Variants in BTBD16 observed in about 807,000 individuals in gnomAD.
BTBD16 encodes BTB domain containing 16.
BTBD16 carries 66 observed loss-of-function variants against 67.4 expected under a neutral mutation model. The ratio of observed to expected loss-of-function variants is 0.98; its 90% CI spans 0.80 to 1.20. The LOEUF is 1.20. Ranked by LOEUF, BTBD16 falls within the 50% of genes most tolerant of loss-of-function variation. BTBD16 has a pLI of 0.00. For missense variants in BTBD16, 634 were observed against 616.0 expected, an observed-to-expected ratio of 1.03 and a Z score of -0.31; for synonymous variants, 242 against 236.4, an observed-to-expected ratio of 1.02 and a Z score of -0.22.
At chr10:122,320,414 TA>T (rs1180224765) in intron 10 of BTBD16, among the ~76,000 whole-genome samples, 3 of 152,166 alleles carry the variant, frequency 2.0e-5, no homozygotes, top group Non-Finnish European at 4.4e-5. Context: ...ATAGATGTTT[TA>T]TTTTATCAAA....
chr10:122,319,130 C>T (rs1565011098), intron 10 of BTBD16, among the ~76,000 whole-genome samples: 1 of 152,104 alleles, frequency 6.6e-6, no homozygotes, highest in Non-Finnish European at 1.5e-5. Flanking sequence ...GATACAAGTC[C>T]TTTGTCAGAT....
At chr10:122,283,484 A>G (rs1188883716) in intron 3 of BTBD16, among the ~76,000 whole-genome samples, 3 of 152,220 alleles carry the variant, frequency 2.0e-5, no homozygotes, top group Admixed American at 6.5e-5. Context: ...TTCACATCCC[A>G]GAAATGAGCA....
At chr10:122,292,421 T>C (rs1254155298) in intron 7 of BTBD16, among the ~76,000 whole-genome samples, 1 of 152,242 alleles carries the variant, frequency 6.6e-6, no homozygotes, top group Non-Finnish European at 1.5e-5. Context: ...GGGAAGTAAG[T>C]AACTTGGCCA....
At chr10:122,286,979 C>T (rs983398692) in intron 5 of BTBD16, among the ~76,000 whole-genome samples, 6 of 152,176 alleles carry the variant, frequency 3.9e-5, no homozygotes, top group East Asian at 1.9e-4. Flanking sequence ...CCAGTCATGA[C>T]GGACTTTCTA....
chr10:122,291,190 C>T lies in BTBD16; in HGVS notation c.586C>T (p.Gln196Ter). Reference sequence around the variant, plus strand: ...CATCCTCCAGTTCAGTGGCCTGTTTCAAAGGTAAGGAAACAAGGCTGACTT... The same window carrying T: ...CATCCTCCAGTTCAGTGGCCTGTTTTAAAGGTAAGGAAACAAGGCTGACTT... ...AHILQFSGLF[Q>*]RCVDVMIARL... The change falls in exon 7 of 16, where the codon CAA becomes TAA. Residue 196 changes from glutamine (Q) to a stop codon, truncating the protein, a stop_gained. Coordinates refer to ENST00000260723, the MANE Select transcript of BTBD16 (RefSeq NM_144587.5). LOFTEE classifies it high-confidence loss of function. 1 of 1,610,244 alleles carries T rather than the reference C, an allele frequency of 6.2e-7. No individual in the cohort carries two copies. Among genetic ancestry groups the T allele is most frequent in the South Asian group, 1.1e-5 (1 of 90,218 alleles).
At chr10:122,320,093 C>A (rs1443444941) in intron 10 of BTBD16, among the ~76,000 whole-genome samples, 1 of 152,098 alleles carries the variant, frequency 6.6e-6, no homozygotes, top group East Asian at 1.9e-4. Flanking sequence ...CTTCTAGAAA[C>A]TTTTTTATAG....
chr10:122,283,353 T>G (rs1292022634), intron 3 of BTBD16, among the ~76,000 whole-genome samples: 1 of 152,242 alleles, frequency 6.6e-6, no homozygotes, highest in Non-Finnish European at 1.5e-5. Context: ...AGGCTGGTGG[T>G]GCCATTTCCT....
chr10:122,285,841 C>T (rs2096362591), intron 4 of BTBD16, among the ~76,000 whole-genome samples: 1 of 152,184 alleles, frequency 6.6e-6, no homozygotes, highest in South Asian at 2.1e-4. Flanking sequence ...CTCTGAAGTC[C>T]TACAGCTGTT....
At chr10:122,291,279 C>T in intron 7 of BTBD16, 85 bp downstream of exon 7, 77 of 1,511,530 alleles carry the variant, frequency 5.1e-5, no homozygotes, top group Non-Finnish European at 6.8e-5. Flanking sequence ...TGGAACATTC[C>T]TCTTCATTGG....
Position 122,289,795 on chromosome 10 carries a change from T to C in BTBD16, c.386-114T>C, listed in dbSNP as rs1223754784. ...TTACATCTATGAAACAAATAAAATATAGTGTGATACATATCTTGATACCTC... is the reference window on the plus strand; with the variant it reads ...TTACATCTATGAAACAAATAAAATACAGTGTGATACATATCTTGATACCTC... On this transcript the variant is annotated intron_variant, in intron 5 of 15. Transcript: ENST00000260723. The C allele has an allele frequency of 2.3e-5, 14 of 612,370 alleles. No individual in the cohort carries two copies. In the Admixed American group the frequency reaches 3.8e-4, roughly 17 times the overall value. The allele number at this position is 612,370 out of a possible 1,614,324, so 37.9% of individuals were successfully genotyped here. A position where few individuals can be genotyped will look rare whatever the true frequency, so the allele number is the denominator to read the frequency against.
chr10:122,336,044 C>A (rs2096462779), intron 14 of BTBD16, among the ~76,000 whole-genome samples: 1 of 152,024 alleles, frequency 6.6e-6, no homozygotes, highest in Non-Finnish European at 1.5e-5. Context: ...GTTTTAGTCC[C>A]AGATTTTCCA....
intron 10 of BTBD16, among the ~76,000 whole-genome samples, chr10:122,310,704 G>A (rs2096412272): frequency 6.6e-6 from 1 of 152,196 alleles, no homozygotes; most frequent in African/African-American, 2.4e-5. Flanking sequence ...TTTAAAAATT[G>A]CAAATATTGA....
In BTBD16 at chr10:122,329,572, G is replaced by A. The variant is rs376871877; in HGVS notation, c.1003+1G>A. ...TTGCGTCTGCACGGCATCACCAAAG[G>A]TAAGCCCCAGTCCAGGCGAGCGCAT... is the stretch of plus-strand genomic sequence containing the variant. On this transcript the variant is annotated splice_donor_variant, in intron 11 of 15. Coordinates refer to ENST00000260723, the MANE Select transcript of BTBD16 (RefSeq NM_144587.5). LOFTEE classifies it high-confidence loss of function. 2.4e-5 allele frequency: 39 copies of A among 1,613,174 alleles called. No homozygotes were observed. Among genetic ancestry groups the A allele is most frequent in the Admixed American group, 5.0e-5 (3 of 60,010 alleles).
intron 10 of BTBD16, chr10:122,328,643 G>T: frequency 2.2e-6 from 1 of 451,478 alleles, no homozygotes; most frequent in Non-Finnish European, 2.9e-6. Flanking sequence ...AAGTACCCTG[G>T]GTGGGTCCTA....
chr10:122,303,253 A>G (rs2096397430), intron 9 of BTBD16, among the ~76,000 whole-genome samples: 1 of 152,142 alleles, frequency 6.6e-6, no homozygotes, highest in African/African-American at 2.4e-5. Flanking sequence ...CAATTAAACC[A>G]CTGTTAGGAA....
At chr10:122,308,697 C>T (rs909005383) in intron 10 of BTBD16, among the ~76,000 whole-genome samples, 2 of 151,922 alleles carry the variant, frequency 1.3e-5, no homozygotes, top group Admixed American at 6.5e-5. Context: ...GGCTTGGATG[C>T]TCTCCCCTGC....
intron 3 of BTBD16, among the ~76,000 whole-genome samples, chr10:122,277,577 T>C (rs868250779): frequency 6.6e-6 from 1 of 152,098 alleles, no homozygotes; most frequent in Non-Finnish European, 1.5e-5. Flanking sequence ...CTCAGTCTGC[T>C]TGTACTCATG....
At chr10:122,305,348 C>G (rs534265489) in intron 9 of BTBD16, among the ~76,000 whole-genome samples, 7 of 152,268 alleles carry the variant, frequency 4.6e-5, no homozygotes, top group African/African-American at 1.7e-4. Flanking sequence ...GAGATGGGAC[C>G]TGGTGAGAGG....
At chr10:122,311,512 G>A (rs1362625887) in intron 10 of BTBD16, among the ~76,000 whole-genome samples, 1 of 152,226 alleles carries the variant, frequency 6.6e-6, no homozygotes, top group Non-Finnish European at 1.5e-5. Flanking sequence ...TGTAAGCAAA[G>A]CTGTTGCCTT....
Sources: allele counts gnomAD v4.1 joint callset (sites outside exome capture counted in the v4.1 genomes callset), GRCh38; gene constraint gnomAD v4.1.1; transcripts MANE v1.5; gene names NCBI Gene and HGNC (gene_info 2026-07-23, HGNC 2026-07-21).